Variants in SNAPC4 observed in about 807,000 individuals in gnomAD.
The protein encoded by SNAPC4 is snRNA-activating protein complex subunit 4.
SNAPC4 carries 127 observed loss-of-function variants against 151.3 expected under a neutral mutation model. That is an observed-to-expected ratio of 0.84 (90% CI 0.73 to 0.97). SNAPC4 has a LOEUF of 0.97. SNAPC4 is among the 50% of genes least tolerant of loss of function. The probability of loss-of-function intolerance (pLI) is 0.00; values close to 1 mark genes in which losing one functional copy is unlikely to be tolerated. For synonymous variants in SNAPC4, 1,002 were observed against 824.4 expected, an observed-to-expected ratio of 1.22 and a Z score of -3.69; for missense variants, 2,186 against 1,935.0, an observed-to-expected ratio of 1.13 and a Z score of -2.43.
intron 13 of SNAPC4, among the ~76,000 whole-genome samples, chr9:136,385,560 C>T (rs866262053): frequency 1.5e-5 from 2 of 134,620 alleles, no homozygotes; most frequent in African/African-American, 5.2e-5. Flanking sequence ...CCACTCCCCC[C>T]CCTTTTGTTT....
Position 136,394,895 on chromosome 9 carries a change from C to A in SNAPC4, c.472-17G>T. ...AGGTGGCCCCTGTCAGGGTGCACGG[C>A]ATCACCACAAGCACAGGCCACATGT... is the stretch of plus-strand genomic sequence containing the variant. On this transcript the variant is annotated splice_polypyrimidine_tract_variant and intron_variant, in intron 5 of 23. Coordinates refer to ENST00000684778, the MANE Select transcript of SNAPC4 (RefSeq NM_003086.4). 1.2e-6 allele frequency: 2 copies of A among 1,611,714 alleles called. No homozygotes were observed. Among genetic ancestry groups the A allele is most frequent in the South Asian group, 1.1e-5 (1 of 91,030 alleles).
At chr9:136,388,977 T>C (rs1833981238) in intron 10 of SNAPC4, among the ~76,000 whole-genome samples, 1 of 152,206 alleles carries the variant, frequency 6.6e-6, no homozygotes, top group Non-Finnish European at 1.5e-5. Flanking sequence ...ATGCAGTTGC[T>C]AGCACCTTCT....
chr9:136,391,572 C>T (rs1834075213), intron 10 of SNAPC4, among the ~76,000 whole-genome samples: 1 of 152,156 alleles, frequency 6.6e-6, no homozygotes, highest in African/African-American at 2.4e-5. Context: ...ACTCAGGAAA[C>T]CAGAAAAGCG....
chr9:136,395,857 C>G, intron 3 of SNAPC4, 87 bp from the exon 4 acceptor site: 3 of 1,350,944 alleles, frequency 2.2e-6, no homozygotes, highest in South Asian at 1.3e-5. Context: ...CGCTGGGCCT[C>G]TGGGACACCG....
chr9:136,394,700 C>A, intron 6 of SNAPC4, 100 bp downstream of exon 6: 1 of 1,085,980 alleles, frequency 9.2e-7, no homozygotes, highest in Admixed American at 1.9e-5. Context: ...GAGGTCACAA[C>A]AGAGAGAGGT....
Position 136,381,040 on chromosome 9 carries a change from A to G in SNAPC4, c.2389-190T>C, listed in dbSNP as rs113159271. Among the ~76,000 whole-genome samples, 156 of 152,226 alleles carry G rather than the reference A, an allele frequency of 1.0e-3. No homozygotes were observed. In the Middle Eastern group the frequency reaches 0.02, roughly 20 times the overall value. ...TGGACATCCAGGATGGCCTCCCATG[A>G]GACCCAGGCCTGCTCTCCTCCCCCG... On this transcript the variant is annotated intron_variant, in intron 19 of 23. Transcript: ENST00000684778.
At chr9:136,387,392 CGCT>C in intron 13 of SNAPC4, 90 bp downstream of exon 13, 1 of 915,744 alleles carries the variant, frequency 1.1e-6, no homozygotes, top group Non-Finnish European at 1.8e-6. Flanking sequence ...CAGCGCTGGC[CGCT>C]GTCCCCCAGC....
In SNAPC4 at chr9:136,378,384, C is replaced by T. The variant is rs750656069; in HGVS notation, c.3443G>A (p.Cys1148Tyr). The T allele has an allele frequency of 6.2e-7, 1 of 1,610,804 alleles. No homozygotes were observed. The highest frequency in any genetic ancestry group is 1.1e-5 in the South Asian group (1 of 90,810). ...GGGAGGAGCTGGGGTGTCTGTCCTG[C>T]AGGAAGGCTCCGGTTCCCTGTTCAT... is the stretch of plus-strand genomic sequence containing the variant. Reference protein sequence around the residue: ...ANMNREPEPSCRTDTPAPPTH... With the variant: ...ANMNREPEPSYRTDTPAPPTH... The change falls in exon 22 of 24, where the codon TGC becomes TAC. Residue 1148 changes from cysteine to tyrosine, a missense_variant. Transcript: ENST00000684778.
rs1834225374 is a variant in SNAPC4 at position 136,395,289 on chromosome 9, G to A, written c.471+9C>T. On this transcript the variant is annotated intron_variant, in intron 5 of 23. Transcript: ENST00000684778. ...CCTTGCCGACAAGAGCAGGGCCTCG[G>A]CCACTCACCACGCCCGTGACCTTGT... 1.2e-6 allele frequency: 2 copies of A among 1,612,142 alleles called. No individual in the cohort carries two copies. The highest frequency in any genetic ancestry group is 3.3e-5 in the Admixed American group (2 of 59,880).
intron 3 of SNAPC4, among the ~76,000 whole-genome samples, chr9:136,396,030 A>C (rs1422991945): frequency 6.6e-6 from 1 of 152,232 alleles, no homozygotes; most frequent in African/African-American, 2.4e-5. Context: ...GGAACACGCC[A>C]GGGCTGCGGC....
chr9:136,390,052 G>T (rs1261573849), intron 10 of SNAPC4, among the ~76,000 whole-genome samples: 1 of 152,072 alleles, frequency 6.6e-6, no homozygotes, highest in African/African-American at 2.4e-5. Context: ...AGAAAAACCG[G>T]ACTTACAGTT....
chr9:136,377,865 T>C lies in SNAPC4; in HGVS notation c.3962A>G (p.Lys1321Arg). 6.2e-7 allele frequency: 1 copy of C among 1,611,518 alleles called. No individual in the cohort carries two copies. Among genetic ancestry groups the C allele is most frequent in the Non-Finnish European group, 8.5e-7 (1 of 1,179,792 alleles). ...LRALSGLLLH[K>R]KALEHKATSL... ...GGTGGCCTTGTGCTCCAGGGCCTTCTTGTGGAGTAGGAGACCGGACAGAGC... is the reference window on the plus strand; with the variant it reads ...GGTGGCCTTGTGCTCCAGGGCCTTCCTGTGGAGTAGGAGACCGGACAGAGC... Residue 1321 changes from lysine (K) to arginine (R), a missense_variant, in exon 22 of 24, where the codon AAG becomes AGG. Physicochemically the swap from Lys to Arg is conservative, Grantham distance 26 (BLOSUM62 2). Coordinates refer to ENST00000684778, the MANE Select transcript of SNAPC4 (RefSeq NM_003086.4).
At chr9:136,396,809 G>C (rs1834289632) in intron 3 of SNAPC4, among the ~76,000 whole-genome samples, 168 bp downstream of exon 3, 1 of 152,198 alleles carries the variant, frequency 6.6e-6, no homozygotes, top group East Asian at 1.9e-4. Context: ...GTTATTTCTG[G>C]GGACAATTTC....
chr9:136,385,562 C>G (rs140308082), intron 13 of SNAPC4, among the ~76,000 whole-genome samples: 1 of 111,286 alleles, frequency 9.0e-6, no homozygotes, highest in African/African-American at 2.9e-5. Flanking sequence ...ACTCCCCCCC[C>G]TTTTGTTTTT....
chr9:136,375,637 C>G lies in SNAPC4; in HGVS notation c.*171G>C, dbSNP rs1004350693. ...GTTCAGGTGTGCACTTGGGGAACAG[C>G]CATGCTCCATGCCACACAGTCAGTC... On this transcript the variant is annotated 3_prime_UTR_variant, in exon 24 of 24. Coordinates refer to ENST00000684778, the MANE Select transcript of SNAPC4 (RefSeq NM_003086.4). The G allele has an allele frequency of 6.6e-6, 1 of 152,398 alleles. No individual in the cohort carries two copies. The highest frequency in any genetic ancestry group is 1.5e-5 in the Non-Finnish European group (1 of 68,122). The allele number at this position is 152,398 out of a possible 1,614,324, so 9.4% of individuals were successfully genotyped here.
Position 136,377,968 on chromosome 9 carries a change from C to T in SNAPC4, c.3859G>A (p.Gly1287Arg), listed in dbSNP as rs1833521484. The change falls in exon 22 of 24, where the codon GGG (glycine) becomes AGG (arginine). Residue 1287 changes from glycine to arginine, a missense_variant. Transcript: ENST00000684778. ...GGCACACGCACCCCCCGCTGGCCCC[C>T]CAGCCACTGCTGTGTGGCCGCCTCG... ...EGEAATQQWLGGQRGVRVPLL... is the reference protein window; with the variant it reads ...EGEAATQQWLRGQRGVRVPLL... 1.2e-6 allele frequency: 2 copies of T among 1,602,258 alleles called. No individual in the cohort carries two copies. The highest frequency in any genetic ancestry group is 1.7e-6 in the Non-Finnish European group (2 of 1,174,282).
At position 136,381,335 on chromosome 9, in the gene SNAPC4, G is replaced by A. The variant is rs1833683204; in HGVS notation, c.2375C>T (p.Thr792Ile). 6 of 1,612,732 alleles carry A rather than the reference G, an allele frequency of 3.7e-6. No homozygotes were observed. Among genetic ancestry groups the A allele is most frequent in the Non-Finnish European group, 5.1e-6 (6 of 1,179,688 alleles). ...QARLASTPVF[T>I]LFTQLFHIDT... ...CAAGTAGCTTACCTGGGTAAACAGGGTAAACACAGGGGTGCTGGCCAGGCG... is the reference window on the plus strand; with the variant it reads ...CAAGTAGCTTACCTGGGTAAACAGGATAAACACAGGGGTGCTGGCCAGGCG... The change falls in exon 19 of 24, where the codon ACC (threonine) becomes ATC (isoleucine). Residue 792 changes from threonine to isoleucine, a missense_variant. Coordinates refer to ENST00000684778, the MANE Select transcript of SNAPC4 (RefSeq NM_003086.4).
intron 14 of SNAPC4, 149 bp from the exon 15 acceptor site, chr9:136,384,181 T>C: frequency 1.6e-6 from 1 of 635,354 alleles, no homozygotes; most frequent in Non-Finnish European, 2.8e-6. Flanking sequence ...GTTGGGTGCC[T>C]ACAATTTGGC....
At chr9:136,382,513 G>A (rs1456086091) in intron 16 of SNAPC4, among the ~76,000 whole-genome samples, 177 bp from the exon 17 acceptor site, 1 of 152,228 alleles carries the variant, frequency 6.6e-6, no homozygotes, top group African/African-American at 2.4e-5. Flanking sequence ...CCCAGGCAGG[G>A]CCTCCCAGCT....
Sources: gnomAD v4.1 joint callset for allele counts (sites outside exome capture counted in the v4.1 genomes callset) on GRCh38, gnomAD v4.1.1 for gene constraint, MANE v1.5 for transcripts, NCBI Gene and HGNC (gene_info 2026-07-23, HGNC 2026-07-21) for gene names.